Variants in FSD1L observed in about 807,000 individuals in gnomAD.
FSD1L encodes the protein FSD1-like protein.
A neutral mutation model predicts 71.6 loss-of-function variants in FSD1L; 45 were observed. The ratio of observed to expected loss-of-function variants is 0.63; its 90% CI spans 0.49 to 0.81. FSD1L has a LOEUF of 0.81. FSD1L is among the 30% of genes least tolerant of loss of function. The probability of loss-of-function intolerance (pLI) is 0.00; values close to 1 mark genes in which losing one functional copy is unlikely to be tolerated. For synonymous variants in FSD1L, 197 were observed against 207.2 expected (o/e 0.95, Z 0.42); for missense variants, 561 against 618.1 (o/e 0.91, Z 0.98).
At chr9:105,489,647 C>A (rs1832788983) in intron 7 of FSD1L, among the ~76,000 whole-genome samples, 1 of 152,044 alleles carries the variant, frequency 6.6e-6, no homozygotes, top group Non-Finnish European at 1.5e-5. Context: ...TAAAGCTATC[C>A]CTCCCCACTC....
At chr9:105,443,500 G>C (rs1238296569), upstream of FSD1L, among the ~76,000 whole-genome samples, 1 of 152,088 alleles carries the variant, frequency 6.6e-6, no homozygotes, top group Non-Finnish European at 1.5e-5. Context: ...ATGAGATTTG[G>C]GTGGGGATGC....
At chr9:105,516,891 A>G (rs1834759926) in intron 10 of FSD1L, among the ~76,000 whole-genome samples, 1 of 152,218 alleles carries the variant, frequency 6.6e-6, no homozygotes, top group Admixed American at 6.5e-5. Flanking sequence ...CTAAAGGAGC[A>G]TGTTCTAACC....
intron 4 of FSD1L, 144 bp downstream of exon 4, chr9:105,468,468 C>A: frequency 1.8e-6 from 1 of 570,542 alleles, no homozygotes. Context: ...CATAAGTATT[C>A]TAAAATTGTT....
At chr9:105,521,923 T>G (rs933866751) in intron 10 of FSD1L, 1 of 1,612,518 alleles carries the variant, frequency 6.2e-7, no homozygotes, top group Non-Finnish European at 8.5e-7. Context: ...CACACAGATA[T>G]GTGTAAACGC....
chr9:105,448,359 C>A, intron 1 of FSD1L, 124 bp downstream of exon 1: 1 of 939,872 alleles, frequency 1.1e-6, no homozygotes, highest in Non-Finnish European at 1.5e-6. Context: ...CGGGCTGCTG[C>A]TGCGGAGGGC....
intron 10 of FSD1L, chr9:105,523,560 G>A: frequency 6.2e-7 from 1 of 1,612,254 alleles, no homozygotes. Flanking sequence ...TAAGATTAGA[G>A]ATAACCTCGG....
intron 7 of FSD1L, among the ~76,000 whole-genome samples, chr9:105,498,911 C>T (rs969848563): frequency 2.0e-5 from 3 of 152,178 alleles, no homozygotes; most frequent in Non-Finnish European, 2.9e-5. Flanking sequence ...AGCCACCGCG[C>T]CCATGCTAGA....
chr9:105,467,980 A>G (rs1181611099), intron 3 of FSD1L, among the ~76,000 whole-genome samples: 1 of 152,212 alleles, frequency 6.6e-6, no homozygotes, highest in Non-Finnish European at 1.5e-5. Context: ...CTTAACTGAT[A>G]GTATAGCTGA....
chr9:105,534,564 G>C lies in FSD1L; in HGVS notation c.1097G>C (p.Arg366Pro). ...CCAGCAGTAAGAGGCAGTAGAGATCGTTTTACTGGAGAATCATACACAGTG... is the reference window on the plus strand; with the variant it reads ...CCAGCAGTAAGAGGCAGTAGAGATCCTTTTACTGGAGAATCATACACAGTG... ...RPPAVRGSRD[R>P]FTGESYTVLG... Residue 366 changes from arginine (R) to proline (P), a missense_variant, in exon 11 of 14, where the codon CGT becomes CCT. Physicochemically the swap from Arg to Pro is moderately radical, Grantham distance 103 (BLOSUM62 -2). Around this residue, in one of 3 missense-constraint regions of FSD1L, gnomAD observed 53 missense variants for 102.2 expected, o/e 0.52. Transcript: ENST00000481272. 1.9e-6 allele frequency: 3 copies of C among 1,549,136 alleles called. No individual in the cohort carries two copies. The highest frequency in any genetic ancestry group is 2.6e-6 in the Non-Finnish European group (3 of 1,144,462).
intron 13 of FSD1L, among the ~76,000 whole-genome samples, chr9:105,544,435 C>A (rs1335029187): frequency 6.6e-6 from 1 of 152,114 alleles, no homozygotes. Context: ...GTTTAATTAG[C>A]TCCCATTTGT....
intron 2 of FSD1L, among the ~76,000 whole-genome samples, chr9:105,463,904 C>T (rs990461476): frequency 2.6e-5 from 4 of 152,258 alleles, no homozygotes; most frequent in African/African-American, 9.6e-5. Context: ...TTTGTTTTTA[C>T]AGCATTTAAA....
intron 7 of FSD1L, among the ~76,000 whole-genome samples, chr9:105,493,395 T>C (rs1328489078): frequency 6.6e-6 from 1 of 152,144 alleles, no homozygotes; most frequent in Non-Finnish European, 1.5e-5. Flanking sequence ...TATGTGTGTC[T>C]CTGCACGTGA....
intron 3 of FSD1L, 26 bp from the exon 4 acceptor site, chr9:105,468,167 A>ATTGTT: frequency 1.5e-6 from 2 of 1,349,490 alleles, no homozygotes; most frequent in Non-Finnish European, 1.9e-6. Context: ...CTTCAGTAAA[A>ATTGTT]TTGTTTTGTT....
rs1306849657 is a variant in FSD1L, at chr9:105,551,857, AGT to A, written c.*5377_*5378del. On this transcript the variant is annotated 3_prime_UTR_variant, in exon 14 of 14. Transcript: ENST00000481272. ...GGGCTGCCCAGTGCCACATGCAAAG[AGT>A]GTATTTGGTCTAAACAGTTCTTTCC... The A allele has an allele frequency of 6.6e-6, 1 of 152,178 alleles. No individual in the cohort carries two copies. The highest frequency in any genetic ancestry group is 2.4e-5 in the African/African-American group (1 of 41,444). 9.4% of individuals were successfully genotyped at this position (152,178 alleles called of 1,614,324 possible).
intron 10 of FSD1L, among the ~76,000 whole-genome samples, chr9:105,532,619 G>A (rs1335943357): frequency 1.3e-5 from 2 of 152,094 alleles, no homozygotes; most frequent in African/African-American, 2.4e-5. Flanking sequence ...AGAAACTACT[G>A]CCTACCTTAG....
upstream of FSD1L, among the ~76,000 whole-genome samples, chr9:105,445,812 G>A (rs766693745): frequency 5.3e-5 from 8 of 152,154 alleles, no homozygotes; most frequent in Non-Finnish European, 5.9e-5. Flanking sequence ...ATTCCTCACG[G>A]AGTTGGGAAA....
chr9:105,515,681 A>T (rs1245215490), intron 10 of FSD1L, among the ~76,000 whole-genome samples: 1 of 152,134 alleles, frequency 6.6e-6, no homozygotes, highest in Admixed American at 6.5e-5. Flanking sequence ...CAGTCTTTAC[A>T]ACCTGCAGAT....
At chr9:105,456,463 A>G (rs1415815595) in intron 1 of FSD1L, among the ~76,000 whole-genome samples, 1 of 152,220 alleles carries the variant, frequency 6.6e-6, no homozygotes, top group Non-Finnish European at 1.5e-5. Flanking sequence ...CAGTCTATTG[A>G]TTATCCTTTT....
In FSD1L at chr9:105,497,676, A is replaced by G. The variant is rs533807185; in HGVS notation, c.587-8723A>G. On this transcript the variant is annotated intron_variant, in intron 7 of 13. Coordinates refer to ENST00000481272, the MANE Select transcript of FSD1L (RefSeq NM_001145313.3). ...CACAGAATTCCTTGATTAGCTTTTT[A>G]ATGTCCATGGGATCTTTGTTGATGC... Among the ~76,000 whole-genome samples, 18 of 152,170 alleles carry G rather than the reference A, an allele frequency of 1.2e-4. No individual in the cohort carries two copies. The South Asian group carries it at 3.7e-3, about 32-fold the overall frequency.
Sources: gnomAD v4.1 joint callset for allele counts (sites outside exome capture counted in the v4.1 genomes callset) on GRCh38, gnomAD v4.1.1 for gene constraint, gnomAD v4.1.1 regional missense constraint, MANE v1.5 for transcripts, NCBI Gene and HGNC (gene_info 2026-07-23, HGNC 2026-07-21) for gene names.